The following LPL variants were observed in gnomAD, a reference collection of about 807,000 sequenced individuals.
The protein encoded by LPL is phospholipase A1.
LPL carries 43 observed loss-of-function variants against 52.2 expected under a neutral mutation model. The ratio of observed to expected loss-of-function variants is 0.82; its 90% confidence interval spans 0.64 to 1.06. The LOEUF (loss-of-function observed/expected upper bound fraction) is 1.06. Among genes scored for constraint, LPL ranks in the 50% least tolerant of loss-of-function variants. The pLI, the probability that LPL is intolerant of heterozygous loss-of-function variation, is 0.00. For synonymous variants in LPL, 244 were observed against 215.6 expected (o/e 1.13, Z -1.15); for missense variants, 639 against 585.3 (o/e 1.09, Z -0.95).
chr8:19,959,403 C>A, intron 7 of LPL, 23 bp downstream of exon 7: 2 of 1,613,616 alleles, frequency 1.2e-6, no homozygotes, highest in South Asian at 2.2e-5. Flanking sequence ...GGGGGGCGGT[C>A]ATCATGGCAC....
chr8:19,946,333 T>G (rs751952331), intron 1 of LPL, among the ~76,000 whole-genome samples: 1 of 152,190 alleles, frequency 6.6e-6, no homozygotes, highest in Non-Finnish European at 1.5e-5. Context: ...GACGGAGGTG[T>G]GTGTGCACGT....
At chr8:19,962,072 T>G (rs1358569366) in intron 8 of LPL, 43 bp from the exon 9 acceptor site, 1 of 1,303,430 alleles carries the variant, frequency 7.7e-7, no homozygotes, top group Non-Finnish European at 1.1e-6. Flanking sequence ...ACAGTGCTTT[T>G]GATTGTTCTA....
chr8:19,939,614 T>C lies in LPL; in HGVS notation c.88+86T>C, dbSNP rs2069812991. ...GAACTGAGGATGAGAAGAAGGAAGTTGGAAGGGGCGGTGGATGCGCCCAGG... is the reference window on the plus strand; with the variant it reads ...GAACTGAGGATGAGAAGAAGGAAGTCGGAAGGGGCGGTGGATGCGCCCAGG... On this transcript the variant is annotated intron_variant, in intron 1 of 9. Coordinates refer to ENST00000650287, the MANE Select transcript of LPL (RefSeq NM_000237.3). The surrounding 1 kb of genome is among the most constrained non-coding windows in gnomAD (Gnocchi z 4.0). 2 of 1,385,864 alleles carry C rather than the reference T, an allele frequency of 1.4e-6. No individual in the cohort carries two copies. Among genetic ancestry groups the C allele is most frequent in the East Asian group, 5.0e-5 (2 of 40,344 alleles). The allele number at this position is 1,385,864 out of a possible 1,614,324, so 85.8% of individuals were successfully genotyped here. A position where few individuals can be genotyped will look rare whatever the true frequency, so the allele number is the denominator to read the frequency against.
rs2069927760 is a variant in LPL at position 19,950,878 on chromosome 8, G to GAA, written c.250-891_250-890insAA. On this transcript the variant is annotated intron_variant, in intron 2 of 9. Transcript: ENST00000650287. The surrounding 1 kb of genome is among the most constrained non-coding windows in gnomAD (Gnocchi z 4.2). ...GGGAAGGAGGAAGGGAAGGAGGGAG[G>GAA]GAGGAAGGAAGGAAGGAATGAAGGA... Among the ~76,000 whole-genome samples the GAA allele has an allele frequency of 6.7e-6, 1 of 149,848 alleles. No homozygotes were observed. The highest frequency in any genetic ancestry group is 1.5e-5 in the Non-Finnish European group (1 of 67,306).
intron 1 of LPL, among the ~76,000 whole-genome samples, chr8:19,943,064 T>G (rs1590136381): frequency 6.6e-6 from 1 of 152,246 alleles, no homozygotes; most frequent in African/African-American, 2.4e-5. Flanking sequence ...GATGACCCAG[T>G]TGGCGTGGCC....
At chr8:19,958,912 G>C (rs2070012336) in intron 6 of LPL, among the ~76,000 whole-genome samples, 1 of 152,208 alleles carries the variant, frequency 6.6e-6, no homozygotes. Context: ...GGATGGCGGA[G>C]TTCATGGAGA....
At chr8:19,953,286 C>T in intron 3 of LPL, 24 bp from the exon 4 acceptor site, 1 of 1,437,372 alleles carries the variant, frequency 7.0e-7, no homozygotes. Flanking sequence ...CTGTAAGCAC[C>T]TTCATTTTCT....
At position 19,962,136 on chromosome 8, in the gene LPL, G is replaced by C; in HGVS notation, c.1344G>C (p.Glu448Asp). The C allele has an allele frequency of 6.2e-7, 1 of 1,613,566 alleles. No homozygotes were observed. Among genetic ancestry groups the C allele is most frequent in the Admixed American group, 1.7e-5 (1 of 60,020 alleles). ...TQKKVIFCSR[E>D]KVSHLQKGKA... Reference sequence around the variant, plus strand: ...ACAGGGTGATCTTCTGTTCTAGGGAGAAAGTGTCTCATTTGCAGAAAGGAA... The same window carrying C: ...ACAGGGTGATCTTCTGTTCTAGGGACAAAGTGTCTCATTTGCAGAAAGGAA... The change falls in exon 9 of 10, where the codon GAG becomes GAC. Residue 448 changes from glutamate (E) to aspartate (D), a missense_variant. Coordinates refer to ENST00000650287, the MANE Select transcript of LPL (RefSeq NM_000237.3).
chr8:19,956,108 A>G lies in LPL; in HGVS notation c.1018+25A>G, dbSNP rs2069983276. The G allele has an allele frequency of 3.7e-6, 6 of 1,613,738 alleles. No homozygotes were observed. The East Asian group carries it at 1.3e-4, about 36-fold the overall frequency. Reference sequence around the variant, plus strand: ...GGTAGGCTGGAGACTGTTGTAAATAAGGAAACCAAGGAGTCCTATTTCATC... The same window carrying G: ...GGTAGGCTGGAGACTGTTGTAAATAGGGAAACCAAGGAGTCCTATTTCATC... On this transcript the variant is annotated intron_variant, in intron 6 of 9. Coordinates refer to ENST00000650287, the MANE Select transcript of LPL (RefSeq NM_000237.3).
In LPL at chr8:19,961,122, C is replaced by A. The variant is rs777469267; in HGVS notation, c.1322+39C>A. The A allele has an allele frequency of 2.1e-5, 33 of 1,585,532 alleles. No individual in the cohort carries two copies. In the South Asian group the frequency reaches 3.2e-4, roughly 15 times the overall value. ...TTTTTCTTCCTTCACTTTAGACCCC[C>A]ACCTGATGTCAGGACCTAGGGGCTG... On this transcript the variant is annotated intron_variant, in intron 8 of 9. Transcript: ENST00000650287.
intron 2 of LPL, chr8:19,948,555 A>G: frequency 1.8e-6 from 1 of 561,224 alleles, no homozygotes; most frequent in Non-Finnish European, 3.1e-6. Flanking sequence ...TTAACACTGT[A>G]CCTGGTTGGT....
At position 19,965,393 on chromosome 8, in the gene LPL, C is replaced by A. The variant is rs1288406029; in HGVS notation, c.*83C>A. On this transcript the variant is annotated 3_prime_UTR_variant, in exon 10 of 10. Transcript: ENST00000650287. ...GAGGAAGTAACTTTTACAAAACATACCCAGTGTTTGGGGTGTTTCAAAAGT... is the reference window on the plus strand; with the variant it reads ...GAGGAAGTAACTTTTACAAAACATAACCAGTGTTTGGGGTGTTTCAAAAGT... 2.6e-6 allele frequency: 2 copies of A among 777,664 alleles called. No individual in the cohort carries two copies. Among genetic ancestry groups the A allele is most frequent in the East Asian group, 4.9e-5 (2 of 41,192 alleles). 48.2% of individuals were successfully genotyped at this position (777,664 alleles called of 1,614,324 possible).
chr8:19,945,710 C>A (rs1461588054), intron 1 of LPL, among the ~76,000 whole-genome samples: 1 of 152,112 alleles, frequency 6.6e-6, no homozygotes, highest in East Asian at 1.9e-4. Flanking sequence ...ACCAGCAATT[C>A]CAGGGACACC....
intron 7 of LPL, among the ~76,000 whole-genome samples, chr8:19,960,276 AG>A (rs1563580913): frequency 6.6e-6 from 1 of 152,226 alleles, no homozygotes; most frequent in African/African-American, 2.4e-5. Flanking sequence ...AACTTTCCAT[AG>A]CTACAAAATA....
rs571226709 is a variant in LPL at position 19,952,600 on chromosome 8, T to G, written c.429+652T>G. 9.0e-4 allele frequency among the ~76,000 whole-genome samples: 137 copies of G among 152,250 alleles called. 1 individual carries two copies. The highest frequency in any genetic ancestry group is 3.2e-3 in the African/African-American group (133 of 41,538). ...AGGCAAATTATTTTAACCAGGTAAT[T>G]GGAAGTAAAAAATAAGCTGTGTTTA... On this transcript the variant is annotated intron_variant, in intron 3 of 9. Coordinates refer to ENST00000650287, the MANE Select transcript of LPL (RefSeq NM_000237.3).
At chr8:19,954,452 T>C (rs1345528539) in intron 5 of LPL, 99 bp downstream of exon 5, 2 of 1,251,216 alleles carry the variant, frequency 1.6e-6, no homozygotes, top group East Asian at 2.5e-5. Context: ...AGTTTTCATA[T>C]ACACATTTGG....
chr8:19,953,979 A>C, intron 4 of LPL, 141 bp from the exon 5 acceptor site: 1 of 712,070 alleles, frequency 1.4e-6, no homozygotes, highest in Non-Finnish European at 2.5e-6. Context: ...TGTCTCTCTA[A>C]GTAAAGATAC....
intron 3 of LPL, among the ~76,000 whole-genome samples, chr8:19,952,238 T>C (rs1319900127): frequency 2.0e-5 from 3 of 152,182 alleles, no homozygotes; most frequent in Non-Finnish European, 4.4e-5. Context: ...GCTTGTGATT[T>C]TCGGACAGAG....
intron 2 of LPL, 65 bp from the exon 3 acceptor site, chr8:19,951,704 G>T (rs1371368390): frequency 6.4e-7 from 1 of 1,561,518 alleles, no homozygotes; most frequent in Non-Finnish European, 8.8e-7. Context: ...CAGGTGTATT[G>T]GGCTGATGTA....
Sources: allele counts gnomAD v4.1 joint callset (sites outside exome capture counted in the v4.1 genomes callset), GRCh38; gene constraint gnomAD v4.1.1; non-coding constraint Gnocchi (gnomAD v3.1); transcripts MANE v1.5; gene names NCBI Gene and HGNC (gene_info 2026-07-23, HGNC 2026-07-21).